The following ANKS1B variants were observed in gnomAD, a reference collection of about 807,000 sequenced individuals.
The protein encoded by ANKS1B is ankyrin repeat and sterile alpha motif domain containing 1B.
Under a neutral mutation model 148.3 loss-of-function variants are expected in ANKS1B, and 36 were observed. That is an observed-to-expected ratio of 0.24 (90% confidence interval 0.19 to 0.32). The LOEUF (loss-of-function observed/expected upper bound fraction) is 0.32. ANKS1B is among the 10% of genes least tolerant of loss of function. The pLI is 1.00. For missense variants in ANKS1B, 1,157 were observed against 1,542.6 expected (o/e 0.75, Z 4.19); for synonymous variants, 542 against 560.8 (o/e 0.97, Z 0.47).
intron 9 of ANKS1B, among the ~76,000 whole-genome samples, chr12:99,605,027 A>T (rs2097841738): frequency 6.6e-6 from 1 of 151,934 alleles, no homozygotes; most frequent in Non-Finnish European, 1.5e-5. Flanking sequence ...AAAAACTGTC[A>T]CATTCTCAGA....
chr12:99,220,158 C>T (rs939783170), intron 14 of ANKS1B, among the ~76,000 whole-genome samples: 1 of 152,108 alleles, frequency 6.6e-6, no homozygotes, highest in Non-Finnish European at 1.5e-5. Flanking sequence ...TGCCACCACA[C>T]CCAGCTAATT....
intron 9 of ANKS1B, among the ~76,000 whole-genome samples, chr12:99,590,254 CCACCCACACACA>C (rs994252263): frequency 4.3e-4 from 56 of 130,326 alleles, no homozygotes; most frequent in African/African-American, 1.7e-3. Flanking sequence ...ACACCCACAC[CCACCCACACACA>C]CACACACACA....
At chr12:99,027,186 A>C (rs1031654525) in intron 17 of ANKS1B, among the ~76,000 whole-genome samples, 1 of 152,240 alleles carries the variant, frequency 6.6e-6, no homozygotes, top group Admixed American at 6.5e-5. Context: ...TAAAGAATGG[A>C]ATCATGAGGT....
intron 1 of ANKS1B, among the ~76,000 whole-genome samples, chr12:99,966,948 A>G (rs562281385): frequency 3.7e-4 from 57 of 152,278 alleles, no homozygotes; most frequent in African/African-American, 1.3e-3. Context: ...GGAAAAAAGC[A>G]ATCCTCTGCC....
intron 12 of ANKS1B, among the ~76,000 whole-genome samples, chr12:99,300,351 A>C (rs1422393577): frequency 1.3e-5 from 2 of 152,140 alleles, no homozygotes; most frequent in Non-Finnish European, 2.9e-5. Flanking sequence ...TTACAGGTAA[A>C]CTATCATCCC....
intron 17 of ANKS1B, among the ~76,000 whole-genome samples, chr12:98,988,616 T>C (rs1293232491): frequency 6.6e-6 from 1 of 152,172 alleles, no homozygotes; most frequent in African/African-American, 2.4e-5. Context: ...TTGGATATTA[T>C]CTCAGTGGTG....
chr12:99,262,721 TTTGTCTAAAAATTTA>T (rs1427683211), intron 12 of ANKS1B, among the ~76,000 whole-genome samples: 9 of 151,854 alleles, frequency 5.9e-5, no homozygotes, highest in African/African-American at 2.2e-4. Context: ...GTTTATTTTA[TTTGTCTAAAAATTTA>T]TTGTCTAAAA....
At chr12:99,383,206 C>T (rs1235611539) in intron 12 of ANKS1B, among the ~76,000 whole-genome samples, 2 of 152,066 alleles carry the variant, frequency 1.3e-5, no homozygotes, top group South Asian at 2.1e-4. Flanking sequence ...GATGGTTTCC[C>T]GCCAAGACCA....
At chr12:99,410,171 T>C (rs1334546122) in intron 11 of ANKS1B, among the ~76,000 whole-genome samples, 1 of 152,252 alleles carries the variant, frequency 6.6e-6, no homozygotes, top group East Asian at 1.9e-4. Flanking sequence ...ATGAAAATTG[T>C]ATGAAACTCA....
chr12:99,410,499 C>T (rs188521165), intron 11 of ANKS1B, among the ~76,000 whole-genome samples: 361 of 152,240 alleles, frequency 2.4e-3, no homozygotes, highest in African/African-American at 8.2e-3. Context: ...GAAACCCCGT[C>T]TCTACTAAAA....
intron 9 of ANKS1B, among the ~76,000 whole-genome samples, chr12:99,641,120 T>C (rs1472481555): frequency 6.6e-6 from 1 of 152,224 alleles, no homozygotes; most frequent in Non-Finnish European, 1.5e-5. Context: ...TGTTTTATAC[T>C]ATACATACTG....
chr12:98,787,801 T>A (rs1367421129), intron 22 of ANKS1B, among the ~76,000 whole-genome samples: 1 of 151,942 alleles, frequency 6.6e-6, no homozygotes, highest in Non-Finnish European at 1.5e-5. Context: ...GAACCTGTAG[T>A]CCCAGCTACT....
At position 99,809,070 on chromosome 12, in the gene ANKS1B, C is replaced by G. The variant is rs79138936; in HGVS notation, c.373-2370G>C. ...GTATTTGTGTATGCTCACAAGTGAT[C>G]TAAAATAATCTAATTTGAAATAAAT... On this transcript the variant is annotated intron_variant, in intron 3 of 26. Coordinates refer to ENST00000683438, the MANE Select transcript of ANKS1B (RefSeq NM_001352186.2). Among the ~76,000 whole-genome samples, 225 of 152,184 alleles carry G rather than the reference C, an allele frequency of 1.5e-3. 6 individuals are homozygous for G. In the East Asian group the frequency reaches 0.036, roughly 24 times the overall value.
intron 9 of ANKS1B, among the ~76,000 whole-genome samples, chr12:99,611,649 G>T (rs1235897072): frequency 2.6e-5 from 4 of 152,070 alleles, no homozygotes; most frequent in Non-Finnish European, 4.4e-5. Context: ...GACTTAAATT[G>T]TGTTGTAGCA....
chr12:99,261,449 T>C (rs1425408678), intron 12 of ANKS1B, among the ~76,000 whole-genome samples: 1 of 152,172 alleles, frequency 6.6e-6, no homozygotes, highest in East Asian at 1.9e-4. Context: ...TTACATTTTC[T>C]GTTTACATTA....
In ANKS1B at chr12:99,399,769, G is replaced by A; in HGVS notation, c.1618C>T (p.Arg540Ter). 3 of 1,613,316 alleles carry A rather than the reference G, an allele frequency of 1.9e-6. No homozygotes were observed. The highest frequency in any genetic ancestry group is 2.5e-6 in the Non-Finnish European group (3 of 1,179,448). The change falls in exon 12 of 27, where the codon CGA becomes TGA. Residue 540 changes from arginine (R) to a stop codon, truncating the protein, a stop_gained. Transcript: ENST00000683438. LOFTEE classifies it high-confidence loss of function. ...TSIVSSLDFH[R>*]MNHNQEYFEI... ...AAATATTCTTGGTTGTGATTCATTC[G>A]GTGAAAATCCAGAGAAGACACAATG...
At chr12:99,186,281 A>T (rs1005429090) in intron 14 of ANKS1B, among the ~76,000 whole-genome samples, 5 of 152,168 alleles carry the variant, frequency 3.3e-5, no homozygotes, top group Admixed American at 3.3e-4. Flanking sequence ...GGGACAGAGC[A>T]CCTGGAGGAA....
chr12:99,221,967 TA>T (rs1302041434), intron 14 of ANKS1B, among the ~76,000 whole-genome samples: 1 of 152,184 alleles, frequency 6.6e-6, no homozygotes, highest in African/African-American at 2.4e-5. Flanking sequence ...GGATTATTAT[TA>T]TTTTTTAAAA....
intron 9 of ANKS1B, among the ~76,000 whole-genome samples, chr12:99,632,949 C>T (rs1209532406): frequency 1.8e-5 from 2 of 113,770 alleles, no homozygotes; most frequent in Non-Finnish European, 3.5e-5. Flanking sequence ...GTGATGTTCC[C>T]CTTCCTGTGT....
Sources: allele counts gnomAD v4.1 joint callset (sites outside exome capture counted in the v4.1 genomes callset), GRCh38; gene constraint gnomAD v4.1.1; transcripts MANE v1.5; gene names NCBI Gene and HGNC (gene_info 2026-07-23, HGNC 2026-07-21).